GLI3: variants seen among roughly 807,000 people sequenced by gnomAD.
GLI3 encodes the protein transcription activator GLI3.
A neutral mutation model predicts 100.8 loss-of-function variants in GLI3; 20 were observed. That is an observed-to-expected ratio of 0.20 (90% CI 0.14 to 0.29). GLI3 has a LOEUF of 0.29. GLI3 is among the 10% of genes least tolerant of loss of function. GLI3 has a pLI of 1.00. For synonymous variants in GLI3, 938 were observed against 860.5 expected (o/e 1.09, Z -1.58); for missense variants, 2,040 against 2,128.5 (o/e 0.96, Z 0.82).
At chr7:42,003,671 G>T (rs1049723131) in intron 10 of GLI3, among the ~76,000 whole-genome samples, 1 of 152,076 alleles carries the variant, frequency 6.6e-6, no homozygotes. Flanking sequence ...GTCATAAAAA[G>T]AAATTTTAAA....
intron 1 of GLI3, among the ~76,000 whole-genome samples, chr7:42,257,076 C>A (rs1789092241): frequency 2.0e-5 from 3 of 151,876 alleles, no homozygotes; most frequent in African/African-American, 4.8e-5. Context: ...TAAGATTTTT[C>A]TTTGCTAGTA....
intron 10 of GLI3, among the ~76,000 whole-genome samples, chr7:41,979,295 T>C (rs1671944387): frequency 6.6e-6 from 1 of 152,218 alleles, no homozygotes; most frequent in Admixed American, 6.5e-5. Context: ...TCAGGGTTAA[T>C]CAGACTGCTT....
At chr7:42,056,142 C>G (rs1784456097) in intron 4 of GLI3, among the ~76,000 whole-genome samples, 1 of 152,190 alleles carries the variant, frequency 6.6e-6, no homozygotes, top group African/African-American at 2.4e-5. Flanking sequence ...AAACTTCTTT[C>G]TTTTGTAAAT....
intron 2 of GLI3, among the ~76,000 whole-genome samples, chr7:42,207,080 T>C (rs899322941): frequency 2.0e-5 from 3 of 152,202 alleles, no homozygotes; most frequent in African/African-American, 7.2e-5. Context: ...GAAGCAAGTC[T>C]ATACAACCCC....
chr7:41,976,172 C>G (rs1368886840), intron 12 of GLI3, among the ~76,000 whole-genome samples: 6 of 152,104 alleles, frequency 3.9e-5, no homozygotes, highest in Non-Finnish European at 8.8e-5. Context: ...TCTAGACTCC[C>G]TAAAATTTTG....
intron 3 of GLI3, among the ~76,000 whole-genome samples, chr7:42,106,872 C>T (rs1432854348): frequency 2.0e-5 from 3 of 152,040 alleles, no homozygotes. Flanking sequence ...ATCTGGTATC[C>T]CTATGTTGGT....
intron 1 of GLI3, among the ~76,000 whole-genome samples, chr7:42,244,932 G>A (rs1788957336): frequency 6.6e-6 from 1 of 152,314 alleles, no homozygotes; most frequent in African/African-American, 2.4e-5. Flanking sequence ...TTAAAGACAA[G>A]GTTTTAGGAG....
At chr7:42,166,861 T>C (rs937641591) in intron 2 of GLI3, among the ~76,000 whole-genome samples, 9 of 150,636 alleles carry the variant, frequency 6.0e-5, no homozygotes, top group Non-Finnish European at 1.3e-4. Flanking sequence ...GTTTCATGCT[T>C]GTCACCCAGG....
chr7:42,020,856 C>T, intron 10 of GLI3, among the ~76,000 whole-genome samples: 1 of 146,708 alleles, frequency 6.8e-6, no homozygotes, highest in East Asian at 2.0e-4. Context: ...CGCCACTGCA[C>T]TCCAGCCTGG....
rs34169786 is a variant in GLI3 at position 41,967,619 on chromosome 7, G to A, written c.2408C>T (p.Ala803Val). 17 of 1,613,028 alleles carry A rather than the reference G, an allele frequency of 1.1e-5. No homozygotes were observed. Among genetic ancestry groups the A allele is most frequent in the Middle Eastern group, 1.7e-4 (1 of 5,872 alleles). The change falls in exon 14 of 15, where the codon GCG (alanine) becomes GTG (valine). Residue 803 changes from alanine to valine, a missense_variant. Ala to Val is a moderately conservative substitution (Grantham distance 64, BLOSUM62 0). Coordinates refer to ENST00000395925, the MANE Select transcript of GLI3 (RefSeq NM_000168.6). The stretch of plus-strand genomic sequence containing the variant: ...ACCATTTCCTATGAGAGGAGAGACC[G>A]CAGGGGCTTTAGGGGGTAGAATGGG... ...LNPILPPKAPAVSPLIGNGTQ... is the reference protein window; with the variant it reads ...LNPILPPKAPVVSPLIGNGTQ...
intron 2 of GLI3, among the ~76,000 whole-genome samples, chr7:42,156,251 T>A (rs995878747): frequency 1.2e-4 from 18 of 152,216 alleles, no homozygotes; most frequent in African/African-American, 4.3e-4. Flanking sequence ...CAAGACTCTT[T>A]CTTGAATTAA....
intron 6 of GLI3, among the ~76,000 whole-genome samples, chr7:42,044,967 A>G (rs1388623031): frequency 2.0e-5 from 3 of 152,152 alleles, no homozygotes; most frequent in East Asian, 1.9e-4. Flanking sequence ...GACTCACTGC[A>G]ACACCGACCT....
At chr7:42,152,254 A>T in intron 2 of GLI3, 1 of 252,388 alleles carries the variant, frequency 4.0e-6, no homozygotes, top group Non-Finnish European at 6.3e-6. Flanking sequence ...TTTCCCACTT[A>T]ACATTGATTT....
In GLI3 at chr7:42,025,270, C is replaced by A; in HGVS notation, c.1350G>T (p.Gly450=). The A allele has an allele frequency of 6.2e-7, 1 of 1,608,492 alleles. No individual in the cohort carries two copies. Among genetic ancestry groups the A allele is most frequent in the South Asian group, 1.1e-5 (1 of 90,958 alleles). Residue 450 remains glycine (G), a synonymous_variant, in exon 9 of 15, where the codon GGG becomes GGT. Transcript: ENST00000395925. ...TGCGGCCTCGGTGTCCTACCTGCTG[C>A]CCCCGAGCCCCTGGGCTGGGGAGGT... ...DEDLPSPGAR[G]QQEQPEGTTL... is the part of the protein sequence containing the mutation.
intron 4 of GLI3, among the ~76,000 whole-genome samples, chr7:42,052,007 C>T (rs1490961961): frequency 6.6e-6 from 1 of 152,194 alleles, no homozygotes; most frequent in Non-Finnish European, 1.5e-5. Flanking sequence ...CTCCCAGCCC[C>T]CAACCCCAGG....
intron 4 of GLI3, among the ~76,000 whole-genome samples, chr7:42,056,701 A>T (rs1297108736): frequency 6.6e-6 from 1 of 152,098 alleles, no homozygotes; most frequent in Non-Finnish European, 1.5e-5. Context: ...CTATAATCCC[A>T]GCACTTTGGG....
rs71006467 is a variant in GLI3, at chr7:42,246,805, C to CTTTTTTTTTTTTTTTTTT, written c.-43+17171_-43+17188dup. 5.4e-4 allele frequency among the ~76,000 whole-genome samples: 51 copies of CTTTTTTTTTTTTTTTTTT among 94,970 alleles called. 3 individuals are homozygous for CTTTTTTTTTTTTTTTTTT. The highest frequency in any genetic ancestry group is 7.8e-4 in the African/African-American group (18 of 23,024). The allele number at this position is 94,970 out of a possible 152,430, so 62.3% of individuals were successfully genotyped here. On this transcript the variant is annotated intron_variant, in intron 1 of 2. Coordinates refer to the GLI3 transcript ENST00000678978. ...TTAAAGGCTCATTGGATGATAGAAT[C>CTTTTTTTTTTTTTTTTTT]TTTTTTTTTTTTTTTTTTTTTTTTT...
At chr7:42,051,373 G>T (rs1030900002) in intron 4 of GLI3, among the ~76,000 whole-genome samples, 3 of 152,088 alleles carry the variant, frequency 2.0e-5, no homozygotes, top group African/African-American at 7.2e-5. Flanking sequence ...TTAGGAAGTT[G>T]ACAAGAGTAA....
intron 3 of GLI3, among the ~76,000 whole-genome samples, chr7:42,115,821 G>C (rs1266623713): frequency 1.3e-5 from 2 of 152,176 alleles, no homozygotes; most frequent in Non-Finnish European, 2.9e-5. Context: ...GTGGGAAGGA[G>C]TTGGCATAGA....
Sources: allele counts gnomAD v4.1 joint callset (sites outside exome capture counted in the v4.1 genomes callset), GRCh38; gene constraint gnomAD v4.1.1; transcripts MANE v1.5; gene names NCBI Gene and HGNC (gene_info 2026-07-23, HGNC 2026-07-21).